The following STRN3 variants were observed in gnomAD, a reference collection of about 807,000 sequenced individuals.
STRN3 encodes the protein striatin 3.
STRN3 carries 29 observed loss-of-function variants against 95.6 expected under a neutral mutation model. The observed-to-expected ratio is 0.30, with a 90% CI of 0.23 to 0.41. The LOEUF (loss-of-function observed/expected upper bound fraction) is 0.41. STRN3 is among the 10% of genes least tolerant of loss of function. The pLI, the probability that STRN3 is intolerant of heterozygous loss-of-function variation, is 1.00. For missense variants in STRN3, 890 were observed against 972.1 expected (o/e 0.92, Z 1.12); for synonymous variants, 331 against 357.6 (o/e 0.93, Z 0.84).
At chr14:30,972,389 C>A (rs1159680533) in intron 1 of STRN3, among the ~76,000 whole-genome samples, 1 of 152,184 alleles carries the variant, frequency 6.6e-6, no homozygotes, top group Non-Finnish European at 1.5e-5. Context: ...CAGCAAGGGG[C>A]CACATGCATC....
chr14:30,994,979 G>A (rs1882131737), intron 1 of STRN3, among the ~76,000 whole-genome samples: 1 of 152,176 alleles, frequency 6.6e-6, no homozygotes. Flanking sequence ...TGACCCCAGG[G>A]TCAAGTGACA....
At chr14:30,982,641 C>T (rs868442752) in intron 1 of STRN3, among the ~76,000 whole-genome samples, 41 of 152,272 alleles carry the variant, frequency 2.7e-4, no homozygotes, top group Middle Eastern at 3.4e-3. Context: ...AACTGTATTC[C>T]AATAATTTCA....
At chr14:30,970,929 G>A (rs988792984) in intron 1 of STRN3, among the ~76,000 whole-genome samples, 2 of 152,220 alleles carry the variant, frequency 1.3e-5, no homozygotes, top group African/African-American at 4.8e-5. Flanking sequence ...CTGCATGGTA[G>A]CTCTTTGCCA....
At chr14:31,000,375 A>G (rs1882389020) in intron 1 of STRN3, among the ~76,000 whole-genome samples, 1 of 152,162 alleles carries the variant, frequency 6.6e-6, no homozygotes, top group Admixed American at 6.5e-5. Context: ...AACTGCACAA[A>G]GAGAGGAAAG....
Position 31,009,455 on chromosome 14 carries a change from C to T in STRN3, c.282+16449G>A, listed in dbSNP as rs769861107. The stretch of plus-strand genomic sequence containing the variant: ...GTCTCCAGACCTTGCCAAATAAATG[C>T]CCCATGGGAGCAAAACTACCCCCCC... On this transcript the variant is annotated intron_variant, in intron 1 of 17. Transcript: ENST00000357479. 7.9e-5 allele frequency among the ~76,000 whole-genome samples: 12 copies of T among 152,224 alleles called. No individual in the cohort carries two copies. The South Asian group carries it at 8.3e-4, about 11-fold the overall frequency.
intron 1 of STRN3, among the ~76,000 whole-genome samples, chr14:30,983,934 T>C (rs959618146): frequency 6.6e-6 from 1 of 152,116 alleles, no homozygotes; most frequent in African/African-American, 2.4e-5. Context: ...ACAGCTCATG[T>C]AGACATTACT....
chr14:30,895,831 TA>T (rs1439228148), intron 16 of STRN3, 83 bp from the exon 17 acceptor site: 9 of 1,206,280 alleles, frequency 7.5e-6, no homozygotes, highest in Admixed American at 5.3e-5. Context: ...AGCATCAACA[TA>T]AAACAATCAT....
At chr14:30,936,283 TACAG>T (rs1878813105) in intron 6 of STRN3, among the ~76,000 whole-genome samples, 1 of 152,208 alleles carries the variant, frequency 6.6e-6, no homozygotes, top group Admixed American at 6.5e-5. Context: ...GTCCTATAAA[TACAG>T]ACCTTTTCTT....
Position 30,894,200 on chromosome 14 carries a change from T to C in STRN3, c.*1211A>G, listed in dbSNP as rs543756093. 6.6e-6 allele frequency: 1 copy of C among 152,528 alleles called. No homozygotes were observed. The highest frequency in any genetic ancestry group is 2.4e-5 in the African/African-American group (1 of 41,576). 9.4% of individuals were successfully genotyped at this position (152,528 alleles called of 1,614,324 possible). ...ATTTCTGTATCCTGATTCAACTATT[T>C]TTGTATCCTATTTGTAATGCAAATA... On this transcript the variant is annotated 3_prime_UTR_variant, in exon 18 of 18. Coordinates refer to ENST00000357479, the MANE Select transcript of STRN3 (RefSeq NM_001083893.2).
intron 13 of STRN3, among the ~76,000 whole-genome samples, chr14:30,907,934 C>A (rs1253366617): frequency 2.0e-5 from 3 of 152,266 alleles, no homozygotes; most frequent in Non-Finnish European, 4.4e-5. Context: ...CAGCTCCCAA[C>A]CTCTCTTCCT....
At chr14:30,929,956 A>AAAAAAAAAAAAAAAAC (rs1878410295) in intron 7 of STRN3, among the ~76,000 whole-genome samples, 6 of 119,148 alleles carry the variant, frequency 5.0e-5, no homozygotes, top group East Asian at 7.8e-4. Flanking sequence ...AAGATTAGCA[A>AAAAAAAAAAAAAAAAC]AAAAAAAAAA....
At chr14:30,905,355 A>C in intron 15 of STRN3, 63 bp downstream of exon 15, 3 of 1,403,634 alleles carry the variant, frequency 2.1e-6, no homozygotes, top group Non-Finnish European at 2.8e-6. Flanking sequence ...ATTAGCTAAA[A>C]GATCACCCTC....
At chr14:31,019,099 C>T (rs1883381010) in intron 1 of STRN3, among the ~76,000 whole-genome samples, 1 of 152,090 alleles carries the variant, frequency 6.6e-6, no homozygotes, top group Non-Finnish European at 1.5e-5. Context: ...CTACTTGAGG[C>T]CATGATCTCA....
chr14:30,957,148 ACT>A (rs1445868811), intron 1 of STRN3, among the ~76,000 whole-genome samples: 1 of 148,530 alleles, frequency 6.7e-6, no homozygotes, highest in Non-Finnish European at 1.5e-5. Context: ...ACAGAGCGAC[ACT>A]CTGTCTCAAA....
chr14:30,931,920 T>C (rs936440926), intron 7 of STRN3: 1 of 152,192 alleles, frequency 6.6e-6, no homozygotes, highest in Admixed American at 6.5e-5. Flanking sequence ...CTAGAGTATG[T>C]TTCATTAAGA....
chr14:30,919,302 G>A (rs1279719781), intron 8 of STRN3, among the ~76,000 whole-genome samples, 196 bp from the exon 9 acceptor site: 12 of 151,356 alleles, frequency 7.9e-5, no homozygotes, highest in Non-Finnish European at 1.6e-4. Context: ...CTATTTCTGT[G>A]GAGAGAGAGA....
At chr14:31,005,305 C>G (rs1181950381) in intron 1 of STRN3, among the ~76,000 whole-genome samples, 2 of 152,162 alleles carry the variant, frequency 1.3e-5, no homozygotes, top group African/African-American at 4.8e-5. Flanking sequence ...GCACTCCAGC[C>G]TGGGCGACAG....
intron 8 of STRN3, among the ~76,000 whole-genome samples, chr14:30,923,857 A>G (rs1409341180): frequency 6.6e-6 from 1 of 152,122 alleles, no homozygotes; most frequent in Non-Finnish European, 1.5e-5. Context: ...TATTCTAACT[A>G]AAGCCTCCAT....
chr14:30,928,063 T>C (rs1368810836), intron 8 of STRN3, among the ~76,000 whole-genome samples: 1 of 152,024 alleles, frequency 6.6e-6, no homozygotes, highest in Non-Finnish European at 1.5e-5. Flanking sequence ...ATGTTAGAAC[T>C]AAACACAACC....
Sources: allele counts gnomAD v4.1 joint callset (sites outside exome capture counted in the v4.1 genomes callset), GRCh38; gene constraint gnomAD v4.1.1; transcripts MANE v1.5; gene names NCBI Gene and HGNC (gene_info 2026-07-23, HGNC 2026-07-21).